NSUN5: variants seen among roughly 807,000 people sequenced by gnomAD.
NSUN5 encodes the protein 28S rRNA (cytosine-C(5))-methyltransferase.
A neutral mutation model predicts 51.1 loss-of-function variants in NSUN5; 39 were observed. That is an observed-to-expected ratio of 0.76 (90% CI 0.59 to 1.00). The LOEUF is 1.00. Among genes scored for constraint, NSUN5 ranks in the 50% least tolerant of loss-of-function variants. NSUN5 has a pLI of 0.00. For synonymous variants in NSUN5, 266 were observed against 271.5 expected, an observed-to-expected ratio of 0.98 and a Z score of 0.20; for missense variants, 526 against 614.0, an observed-to-expected ratio of 0.86 and a Z score of 1.51.
At chr7:73,305,891 T>A (rs1433430690) in intron 4 of NSUN5, among the ~76,000 whole-genome samples, 1 of 152,006 alleles carries the variant, frequency 6.6e-6, no homozygotes, top group African/African-American at 2.4e-5. Flanking sequence ...AGGAAGAGGA[T>A]CTTACAAAGA....
chr7:73,304,132 A>T (rs1803934269), intron 7 of NSUN5, 96 bp from the exon 8 acceptor site: 3 of 1,562,326 alleles, frequency 1.9e-6, no homozygotes, highest in Non-Finnish European at 2.6e-6. Flanking sequence ...CAGGGTCCCA[A>T]GCCCATTAGT....
At position 73,305,092 on chromosome 7, in the gene NSUN5, T is replaced by G. The variant is rs1554541642; in HGVS notation, c.506A>C (p.Asp169Ala). Reference protein sequence around the residue: ...FSYQGRASSLDDLRALKGKHF... With the variant: ...FSYQGRASSLADLRALKGKHF... ...CTTCCCCTTGAGGGCTCGTAAGTCA[T>G]CGAGGCTGCCAGGGAAGAACCATTC... The change falls in exon 5 of 10, where the codon GAT becomes GCT. Residue 169 changes from aspartate (D) to alanine (A), a missense_variant. Asp to Ala is a moderately radical substitution (Grantham distance 126, BLOSUM62 -2). Transcript: ENST00000438747. The G allele has an allele frequency of 6.2e-7, 1 of 1,609,836 alleles. No homozygotes were observed. Among genetic ancestry groups the G allele is most frequent in the East Asian group, 2.2e-5 (1 of 44,808 alleles).
chr7:73,305,795 G>T (rs1488502190), intron 4 of NSUN5, among the ~76,000 whole-genome samples: 2 of 152,144 alleles, frequency 1.3e-5, no homozygotes, highest in East Asian at 3.9e-4. Context: ...TCAGAAATCT[G>T]TCAAAGTGGC....
chr7:73,305,793 C>G (rs1190335670), intron 4 of NSUN5, among the ~76,000 whole-genome samples: 1 of 152,198 alleles, frequency 6.6e-6, no homozygotes, highest in Non-Finnish European at 1.5e-5. Context: ...GTTCAGAAAT[C>G]TGTCAAAGTG....
In NSUN5 at chr7:73,303,493, G is replaced by A. The variant is rs782090034; in HGVS notation, c.1323C>T (p.Arg441=). 2.5e-6 allele frequency: 4 copies of A among 1,614,098 alleles called. No homozygotes were observed. The highest frequency in any genetic ancestry group is 1.6e-4 in the Middle Eastern group (1 of 6,084). The change falls in exon 10 of 10, where the codon CGC becomes CGT. Residue 441 remains arginine (R), a synonymous_variant. Transcript: ENST00000438747. ...TTCTCTTTGGGGCTGGGCTGGGTGT[G>A]CGTTCTGGTGCTGATGCTTTGGCCT... ...ASQAKASAPE[R]TPSPAPKRKK... is the part of the protein sequence containing the mutation.
rs1554540884 is a variant in NSUN5 at position 73,303,060 on chromosome 7, AGT to A, written c.*353_*354del. ...ACAGCCGGTCCGGGAACCCTGAGTG[AGT>A]GTGAGTGTGGATGTGTACAGTACAC... On this transcript the variant is annotated 3_prime_UTR_variant, in exon 10 of 10. Coordinates refer to ENST00000438747, the MANE Select transcript of NSUN5 (RefSeq NM_148956.4). The A allele has an allele frequency of 7.4e-7, 1 of 1,354,076 alleles. No homozygotes were observed. Among genetic ancestry groups the A allele is most frequent in the African/African-American group, 1.5e-5 (1 of 68,232 alleles). 83.9% of individuals were successfully genotyped at this position (1,354,076 alleles called of 1,614,324 possible).
chr7:73,305,173 A>G (rs1452551524), intron 4 of NSUN5, 76 bp from the exon 5 acceptor site: 164 of 1,540,504 alleles, frequency 1.1e-4, no homozygotes, highest in Non-Finnish European at 1.4e-4. Flanking sequence ...CATTCATGCA[A>G]CAAATGTTAC....
At chr7:73,304,703 C>G in intron 6 of NSUN5, 44 bp downstream of exon 6, 1 of 1,483,330 alleles carries the variant, frequency 6.7e-7, no homozygotes, top group Non-Finnish European at 9.4e-7. Flanking sequence ...CTGAAAGGCA[C>G]AGAATCAAAC....
Position 73,303,068 on chromosome 7 carries a change from T to C in NSUN5, c.*347A>G, listed in dbSNP as rs1563287235. ...TCCGGGAACCCTGAGTGAGTGTGAG[T>C]GTGGATGTGTACAGTACACGCACTG... On this transcript the variant is annotated 3_prime_UTR_variant, in exon 10 of 10. Coordinates refer to ENST00000438747, the MANE Select transcript of NSUN5 (RefSeq NM_148956.4). The C allele has an allele frequency of 7.3e-7, 1 of 1,369,068 alleles. No individual in the cohort carries two copies. The highest frequency in any genetic ancestry group is 1.5e-5 in the African/African-American group (1 of 68,470). The allele number at this position is 1,369,068 out of a possible 1,614,324, so 84.8% of individuals were successfully genotyped here. A position where few individuals can be genotyped will look rare whatever the true frequency, so the allele number is the denominator to read the frequency against.
At chr7:73,308,175 A>C (rs782668053) in intron 2 of NSUN5, 76 of 499,506 alleles carry the variant, frequency 1.5e-4, no homozygotes, top group Non-Finnish European at 2.5e-4. Context: ...CTGGGACCAC[A>C]GGTGCGCGCC....
intron 1 of NSUN5, 32 bp downstream of exon 1, chr7:73,308,666 C>G (rs782298107): frequency 3.7e-6 from 6 of 1,601,876 alleles, no homozygotes; most frequent in Non-Finnish European, 5.1e-6. Flanking sequence ...TCCTCACTCC[C>G]CACCCCTACT....
At chr7:73,308,283 CT>C in intron 2 of NSUN5, 147 bp downstream of exon 2, 1 of 993,784 alleles carries the variant, frequency 1.0e-6, no homozygotes, top group Non-Finnish European at 1.4e-6. Context: ...TTCATCCCAT[CT>C]TAATTCGTAA....
chr7:73,307,853 G>T (rs1804110331), intron 2 of NSUN5, 96 bp from the exon 3 acceptor site: 2 of 1,095,102 alleles, frequency 1.8e-6, no homozygotes, highest in Non-Finnish European at 2.6e-6. Context: ...GCAATGGAAT[G>T]GCTAAACAGA....
chr7:73,304,175 G>A, intron 7 of NSUN5, 55 bp downstream of exon 7: 1 of 1,567,820 alleles, frequency 6.4e-7, no homozygotes, highest in Non-Finnish European at 8.7e-7. Flanking sequence ...ATGACTCCAG[G>A]TCTAAGCTGC....
Position 73,308,762 on chromosome 7 carries a change from A to G in NSUN5, c.29T>C (p.Val10Ala), listed in dbSNP as rs143239030. Residue 10 changes from valine to alanine, a missense_variant, in exon 1 of 10, where the codon GTG becomes GCG. Transcript: ENST00000438747. ...CTGGCGGCTCTCCACGCCGGCCAAC[A>G]CGCCTGCAGCTGCAGCATACAGCCC... Reference protein sequence around the residue: MGLYAAAAGVLAGVESRQGS... With the variant: MGLYAAAAGALAGVESRQGS... 1.2e-6 allele frequency: 2 copies of G among 1,612,832 alleles called. No homozygotes were observed. Among genetic ancestry groups the G allele is most frequent in the African/African-American group, 2.7e-5 (2 of 74,850 alleles).
At chr7:73,308,168 G>C (rs1326546531) in intron 2 of NSUN5, 8 of 490,972 alleles carry the variant, frequency 1.6e-5, no homozygotes, top group Non-Finnish European at 2.5e-5. Context: ...CGAGTAGCTG[G>C]GACCACAGGT....
intron 5 of NSUN5, 40 bp downstream of exon 5, chr7:73,304,919 G>A (rs374857670): frequency 2.5e-5 from 40 of 1,612,152 alleles, no homozygotes; most frequent in African/African-American, 6.7e-5. Flanking sequence ...GGCCCTTCCC[G>A]TGCCTACACA....
rs782341596 is a variant in NSUN5 at position 73,303,455 on chromosome 7, T to C, written c.1361A>G (p.Gln454Arg). 6 of 1,614,206 alleles carry C rather than the reference T, an allele frequency of 3.7e-6. No homozygotes were observed. In the Admixed American group the frequency reaches 1.0e-4, roughly 27 times the overall value. ...SPAPKRKKRQ[Q>R]RAAAGACTPP... The stretch of plus-strand genomic sequence containing the variant: ...TGTGCAAGCACCGGCTGCGGCTCTT[T>C]GCTGTCTCTTCTTTCTCTTTGGGGC... Residue 454 changes from glutamine to arginine, a missense_variant, in exon 10 of 10, where the codon CAA (glutamine) becomes CGA (arginine). By Grantham distance (43) the Gln-to-Arg change is conservative. Coordinates refer to ENST00000438747, the MANE Select transcript of NSUN5 (RefSeq NM_148956.4).
intron 4 of NSUN5, among the ~76,000 whole-genome samples, chr7:73,305,816 T>A (rs1804016725): frequency 6.6e-6 from 1 of 152,260 alleles, no homozygotes; most frequent in South Asian, 2.1e-4. Flanking sequence ...AGAGCTGGAA[T>A]TCAAACGCAA....
Sources: gnomAD v4.1 joint callset for allele counts (sites outside exome capture counted in the v4.1 genomes callset) on GRCh38, gnomAD v4.1.1 for gene constraint, MANE v1.5 for transcripts, NCBI Gene and HGNC (gene_info 2026-07-23, HGNC 2026-07-21) for gene names.